Variants in DOCK8 observed in about 807,000 individuals in gnomAD.
DOCK8 encodes dedicator of cytokinesis protein 8.
In DOCK8, 141 loss-of-function variants were observed where a neutral mutation model predicts 245.6. The observed-to-expected ratio is 0.57, with a 90% CI of 0.50 to 0.66. DOCK8 has a LOEUF of 0.66. Among genes scored for constraint, DOCK8 ranks in the 30% least tolerant of loss-of-function variants. The pLI is 0.00. For missense variants in DOCK8, 2,965 were observed against 2,603.4 expected, an observed-to-expected ratio of 1.14 and a Z score of -3.02; for synonymous variants, 1,168 against 970.2, an observed-to-expected ratio of 1.20 and a Z score of -3.79.
At chr9:403,159 G>A (rs1416770709) in intron 26 of DOCK8, among the ~76,000 whole-genome samples, 1 of 152,212 alleles carries the variant, frequency 6.6e-6, no homozygotes, top group African/African-American at 2.4e-5. Context: ...GAAGTGCTGG[G>A]ATTACAGGTG....
At chr9:400,596 C>T (rs1372756676) in intron 26 of DOCK8, among the ~76,000 whole-genome samples, 8 of 100,488 alleles carry the variant, frequency 8.0e-5, no homozygotes, top group Middle Eastern at 4.5e-3. Context: ...ACCACCACCT[C>T]CACCATCACC....
chr9:276,940 C>T (rs1411568253), intron 2 of DOCK8: 1 of 301,584 alleles, frequency 3.3e-6, no homozygotes, highest in African/African-American at 2.3e-5. Context: ...TCCCAAGTAA[C>T]TGGGACCACA....
At chr9:419,524 T>G (rs1378332624) in intron 30 of DOCK8, among the ~76,000 whole-genome samples, 1 of 152,224 alleles carries the variant, frequency 6.6e-6, no homozygotes, top group Non-Finnish European at 1.5e-5. Flanking sequence ...ATCTCAAGAT[T>G]TCCTTTATTC....
chr9:341,396 A>G lies in DOCK8; in HGVS notation c.1679+1075A>G, dbSNP rs75788902. Reference sequence around the variant, plus strand: ...TCATGCACTTCTTTATTTTGAGACTATTTCCTTTAATGCAGAAAAGGATGC... The same window carrying G: ...TCATGCACTTCTTTATTTTGAGACTGTTTCCTTTAATGCAGAAAAGGATGC... On this transcript the variant is annotated intron_variant, in intron 14 of 47. Coordinates refer to ENST00000432829, the MANE Select transcript of DOCK8 (RefSeq NM_203447.4). 1.0e-3 allele frequency among the ~76,000 whole-genome samples: 157 copies of G among 152,236 alleles called. 8 individuals carry two copies. The East Asian group carries it at 0.029, about 28-fold the overall frequency.
At chr9:323,108 AG>A (rs1427454909) in intron 7 of DOCK8, among the ~76,000 whole-genome samples, 2 of 151,186 alleles carry the variant, frequency 1.3e-5, no homozygotes, top group African/African-American at 2.4e-5. Flanking sequence ...AAAAAAAAAA[AG>A]AAAGCCCCCA....
intron 5 of DOCK8, among the ~76,000 whole-genome samples, chr9:309,712 A>G (rs1459130158): frequency 1.3e-5 from 2 of 152,204 alleles, no homozygotes; most frequent in African/African-American, 4.8e-5. Flanking sequence ...ACTGTTACCA[A>G]ATTCCCGTAG....
In DOCK8 at chr9:353,437, T is replaced by C. The variant is rs531593564; in HGVS notation, c.1679+13116T>C. ...AGATTATTGATGTATTCATTGGCTG[T>C]TTCTTTAAATGGGTAGAGAACTAAT... On this transcript the variant is annotated intron_variant, in intron 14 of 47. Transcript: ENST00000432829. 3.3e-5 allele frequency among the ~76,000 whole-genome samples: 5 copies of C among 152,334 alleles called. No individual in the cohort carries two copies. In the South Asian group the frequency reaches 1.0e-3, roughly 32 times the overall value.
At chr9:239,756 C>CACAT (rs889261821) in intron 1 of DOCK8, among the ~76,000 whole-genome samples, 3 of 152,164 alleles carry the variant, frequency 2.0e-5, no homozygotes, top group African/African-American at 4.8e-5. Flanking sequence ...TTCAGATACA[C>CACAT]ACATACATAC....
At chr9:416,392 C>A (rs185415375) in intron 29 of DOCK8, among the ~76,000 whole-genome samples, 1 of 152,322 alleles carries the variant, frequency 6.6e-6, no homozygotes, top group East Asian at 1.9e-4. Flanking sequence ...CACTTTAGCA[C>A]ACATTATCCG....
rs569593731 is a variant in DOCK8 at position 366,743 on chromosome 9, G to C, written c.1680-1275G>C. 5.0e-5 allele frequency among the ~76,000 whole-genome samples: 7 copies of C among 140,116 alleles called. No homozygotes were observed. The South Asian group carries it at 1.5e-3, about 29-fold the overall frequency. 91.9% of individuals were successfully genotyped at this position (140,116 alleles called of 152,430 possible). A position where few individuals can be genotyped will look rare whatever the true frequency, so the allele number is the denominator to read the frequency against. The stretch of plus-strand genomic sequence containing the variant: ...CTCGCTTTGCCTTGCTCTTTCCCAA[G>C]CACATTTTTGCTCAACGCCCCCTAC... On this transcript the variant is annotated intron_variant, in intron 14 of 47. Transcript: ENST00000432829.
intron 26 of DOCK8, among the ~76,000 whole-genome samples, chr9:402,645 A>T (rs2055165940): frequency 6.6e-6 from 1 of 152,258 alleles, no homozygotes; most frequent in African/African-American, 2.4e-5. Flanking sequence ...ATCATTTTGC[A>T]TAACCTATTA....
At chr9:334,496 C>CAG in intron 11 of DOCK8, 112 bp downstream of exon 11, 1 of 1,168,258 alleles carries the variant, frequency 8.6e-7, no homozygotes, top group Non-Finnish European at 1.2e-6. Context: ...AGTGGGGAGG[C>CAG]AGAAGGAGAT....
chr9:211,678 G>A (rs2046621832), upstream of DOCK8, among the ~76,000 whole-genome samples: 1 of 152,156 alleles, frequency 6.6e-6, no homozygotes. Flanking sequence ...AGGAAAAAAA[G>A]TTAGAGCTGA....
intron 30 of DOCK8, chr9:420,129 G>A: frequency 2.0e-6 from 1 of 505,728 alleles, no homozygotes; most frequent in Non-Finnish European, 3.6e-6. Flanking sequence ...CTGCTCCTAA[G>A]ACAGAGGTAC....
chr9:234,743 T>G (rs556405136), intron 1 of DOCK8, among the ~76,000 whole-genome samples: 1 of 152,230 alleles, frequency 6.6e-6, no homozygotes, highest in Non-Finnish European at 1.5e-5. Flanking sequence ...GGTTTTCAGC[T>G]CCATCAGGTC....
At chr9:271,193 A>G (rs1489973683) in intron 1 of DOCK8, among the ~76,000 whole-genome samples, 2 of 152,226 alleles carry the variant, frequency 1.3e-5, no homozygotes, top group Admixed American at 1.3e-4. Context: ...TGTTGTAGCA[A>G]CCAGTCAGCC....
intron 1 of DOCK8, among the ~76,000 whole-genome samples, chr9:238,776 A>ATT (rs1487988277): frequency 1.3e-5 from 2 of 152,252 alleles, no homozygotes; most frequent in African/African-American, 4.8e-5. Context: ...ACATTGAAAT[A>ATT]AATGTGAGCT....
intron 25 of DOCK8, among the ~76,000 whole-genome samples, chr9:397,851 C>A (rs2054537713): frequency 6.6e-6 from 1 of 152,092 alleles, no homozygotes; most frequent in Non-Finnish European, 1.5e-5. Flanking sequence ...AGCAAAATGT[C>A]AAGTATTGAT....
At chr9:429,400 C>T (rs1587009942) in intron 35 of DOCK8, among the ~76,000 whole-genome samples, 1 of 152,186 alleles carries the variant, frequency 6.6e-6, no homozygotes, top group African/African-American at 2.4e-5. Context: ...TTCCCAGGAA[C>T]CCAAGAAACT....
Sources: gnomAD v4.1 joint callset for allele counts (sites outside exome capture counted in the v4.1 genomes callset) on GRCh38, gnomAD v4.1.1 for gene constraint, MANE v1.5 for transcripts, NCBI Gene and HGNC (gene_info 2026-07-23, HGNC 2026-07-21) for gene names.